Variants in NOA1 observed in about 807,000 individuals in gnomAD.
NOA1 encodes the protein nitric oxide associated 1, also known as nitric oxide-associated protein 1.
In NOA1, 35 loss-of-function variants were observed where a neutral mutation model predicts 58.4. That is an observed-to-expected ratio of 0.60 (90% CI 0.46 to 0.79). NOA1 has a LOEUF of 0.79. NOA1 is among the 30% of genes least tolerant of loss of function. NOA1 has a pLI of 0.00. For missense variants in NOA1, 895 were observed against 894.6 expected (o/e 1.00, Z -0.01); for synonymous variants, 397 against 373.4 (o/e 1.06, Z -0.73).
intron 3 of NOA1, among the ~76,000 whole-genome samples, chr4:56,972,368 G>A (rs1305740320): frequency 1.3e-5 from 2 of 152,182 alleles, no homozygotes; most frequent in Non-Finnish European, 2.9e-5. Flanking sequence ...AATGCTCAAC[G>A]TTTGCTGGAT....
chr4:56,965,726 G>A lies in NOA1; in HGVS notation c.1764+894C>T, dbSNP rs149754432. Among the ~76,000 whole-genome samples, 3,808 of 145,156 alleles carry A rather than the reference G, an allele frequency of 0.026. 271 individuals are homozygous for A. In the East Asian group the frequency reaches 0.26, roughly 10 times the overall value. ...TGTGTGTGTGTGTGTGTGTGTGTGT[G>A]TATTGGTGATGAGGCTGTCAGGAGT... On this transcript the variant is annotated intron_variant, in intron 5 of 6. Transcript: ENST00000264230.
At chr4:56,967,304 CAGG>C (rs1721731051) in intron 4 of NOA1, among the ~76,000 whole-genome samples, 1 of 150,768 alleles carries the variant, frequency 6.6e-6, no homozygotes, top group Non-Finnish European at 1.5e-5. Context: ...CATTGGAGCC[CAGG>C]AGGTTGAGGC....
intron 2 of NOA1, among the ~76,000 whole-genome samples, chr4:56,973,564 C>T (rs978396117): frequency 3.3e-5 from 5 of 150,990 alleles, no homozygotes; most frequent in African/African-American, 4.9e-5. Context: ...CATGGAGTGG[C>T]GGGGGCAAGG....
chr4:56,963,955 G>A (rs1241868882), intron 6 of NOA1, among the ~76,000 whole-genome samples: 5 of 151,924 alleles, frequency 3.3e-5, no homozygotes, highest in Non-Finnish European at 7.4e-5. Context: ...TTTATTTTCA[G>A]AATAGGTTGT....
chr4:56,976,196 A>C (rs756940539), intron 1 of NOA1, among the ~76,000 whole-genome samples: 12 of 152,236 alleles, frequency 7.9e-5, no homozygotes, highest in Non-Finnish European at 1.5e-4. Context: ...TCCAGTGCTT[A>C]GTGACTGGGA....
intron 3 of NOA1, among the ~76,000 whole-genome samples, chr4:56,969,435 G>A (rs1444263828): frequency 6.6e-6 from 1 of 152,082 alleles, no homozygotes; most frequent in African/African-American, 2.4e-5. Flanking sequence ...AGCCGGGCGT[G>A]GTGGCGTGCA....
chr4:56,974,076 A>G (rs1721855614), intron 1 of NOA1, 54 bp from the exon 2 acceptor site: 25 of 1,165,820 alleles, frequency 2.1e-5, no homozygotes, highest in Middle Eastern at 5.3e-4. Flanking sequence ...GGGGAAGAAA[A>G]TGAACATTTT....
chr4:56,965,835 C>CTTTTTTTT (rs10638725), intron 5 of NOA1, among the ~76,000 whole-genome samples: 21 of 115,066 alleles, frequency 1.8e-4, no homozygotes, highest in African/African-American at 5.0e-4. Flanking sequence ...TAAATTTTCC[C>CTTTTTTTT]TTTTTTTTTT....
chr4:56,969,507 G>A (rs989583943), intron 3 of NOA1, among the ~76,000 whole-genome samples: 1 of 152,192 alleles, frequency 6.6e-6, no homozygotes, highest in Non-Finnish European at 1.5e-5. Context: ...GGGAGGCGGA[G>A]GTTGTGGTGA....
rs773208177 is a variant in NOA1, at chr4:56,977,379, C to G, written c.207G>C (p.Gln69His). ...TGTACTCCGGGAACAGAAAACGCTC[C>G]TGCATGTCACCACCTTCTCCAAAGC... Reference protein sequence around the residue: ...TEGFGEGGDMQERFLFPEYIL... With the variant: ...TEGFGEGGDMHERFLFPEYIL... The change falls in exon 1 of 7, where the codon CAG becomes CAC. Residue 69 changes from glutamine (Q) to histidine (H), a missense_variant. Physicochemically the swap from Gln to His is conservative, Grantham distance 24. Coordinates refer to ENST00000264230, the MANE Select transcript of NOA1 (RefSeq NM_032313.4). 18 of 1,614,108 alleles carry G rather than the reference C, an allele frequency of 1.1e-5. No individual in the cohort carries two copies. The East Asian group carries it at 4.0e-4, about 36-fold the overall frequency.
At chr4:56,966,018 CTTT>C (rs57382498) in intron 5 of NOA1, among the ~76,000 whole-genome samples, 13 of 88,556 alleles carry the variant, frequency 1.5e-4, no homozygotes, top group African/African-American at 4.6e-4. Context: ...AGCAAATTTT[CTTT>C]TTTTTTTTTT....
intron 3 of NOA1, among the ~76,000 whole-genome samples, chr4:56,972,773 C>T (rs1325483445): frequency 9.9e-5 from 15 of 152,140 alleles, no homozygotes; most frequent in Non-Finnish European, 4.4e-5. Flanking sequence ...GTAACAATCA[C>T]AATGATAAAA....
chr4:56,969,807 G>A (rs1721783735), intron 3 of NOA1, among the ~76,000 whole-genome samples: 1 of 151,984 alleles, frequency 6.6e-6, no homozygotes, highest in Admixed American at 6.6e-5. Context: ...TTGAGACGGA[G>A]TCTTGCTCTG....
chr4:56,967,638 C>T (rs758885150), intron 4 of NOA1, among the ~76,000 whole-genome samples: 13 of 152,094 alleles, frequency 8.5e-5, no homozygotes, highest in Non-Finnish European at 1.9e-4. Context: ...TCTATAGACA[C>T]TCCAAAATCC....
In NOA1 at chr4:56,977,361, C is replaced by T. The variant is rs776395663; in HGVS notation, c.225G>A (p.Pro75=). ...GCGGCTCCGGATCCAGGATGTACTC[C>T]GGGAACAGAAAACGCTCCTGCATGT... The part of the protein sequence containing the change: ...GGDMQERFLF[P]EYILDPEPQP... Residue 75 remains proline, a synonymous_variant, in exon 1 of 7, where the codon CCG becomes CCA. Transcript: ENST00000264230. 5.6e-6 allele frequency: 9 copies of T among 1,614,084 alleles called. No homozygotes were observed. The highest frequency in any genetic ancestry group is 6.8e-6 in the Non-Finnish European group (8 of 1,180,040).
In NOA1 at chr4:56,977,222, G is replaced by A. The variant is rs751688807; in HGVS notation, c.364C>T (p.Arg122Trp). ...GGGTGCCCCACGACCGGGTGCTCCC[G>A]GGACCTGGCCCGTAGGTTTTGCTGT... ...RRQQNLRARS[R>W]EHPVVGHPDP... Residue 122 changes from arginine to tryptophan, a missense_variant, in exon 1 of 7, where the codon CGG becomes TGG. Arg to Trp is a moderately radical substitution (Grantham distance 101, BLOSUM62 -3). This residue lies in a region of NOA1 where 680 missense variants were observed against 656.5 expected (regional missense o/e 1.04). Coordinates refer to ENST00000264230, the MANE Select transcript of NOA1 (RefSeq NM_032313.4). 7.0e-6 allele frequency: 11 copies of A among 1,582,346 alleles called. No homozygotes were observed. The highest frequency in any genetic ancestry group is 2.3e-5 in the South Asian group (2 of 88,530).
Position 56,964,489 on chromosome 4 carries a change from G to A in NOA1, c.1802C>T (p.Pro601Leu), listed in dbSNP as rs138345362. 4,644 of 1,613,924 alleles carry A rather than the reference G, an allele frequency of 2.9e-3. 13 individuals are homozygous for A. Among genetic ancestry groups the A allele is most frequent in the Non-Finnish European group, 3.3e-3 (3,898 of 1,179,950 alleles). ...CATAATGTCTTCAGCAACAAGAGGA[G>A]GAAATCCTGCCATTCGTTCTTTTCC... Reference protein sequence around the residue: ...MGGKERMAGFPPLVAEDIMLK... With the variant: ...MGGKERMAGFLPLVAEDIMLK... The change falls in exon 6 of 7, where the codon CCT (proline) becomes CTT (leucine). Residue 601 changes from proline to leucine, a missense_variant. Pro to Leu is a moderately conservative substitution (Grantham distance 98). This residue lies in a region of NOA1 where 212 missense variants were observed against 221.3 expected (regional missense o/e 0.96). Transcript: ENST00000264230.
At position 56,977,235 on chromosome 4, in the gene NOA1, T is replaced by C. The variant is rs941835180; in HGVS notation, c.351A>G (p.Leu117=). 11 of 1,593,990 alleles carry C rather than the reference T, an allele frequency of 6.9e-6. No homozygotes were observed. The highest frequency in any genetic ancestry group is 9.4e-6 in the Non-Finnish European group (11 of 1,171,706). Residue 117 remains leucine, a synonymous_variant, in exon 1 of 7, where the codon CTA becomes CTG. Transcript: ENST00000264230. Reference sequence around the variant, plus strand: ...CCGGGTGCTCCCGGGACCTGGCCCGTAGGTTTTGCTGTCGCCGCTCCTCCC... The same window carrying C: ...CCGGGTGCTCCCGGGACCTGGCCCGCAGGTTTTGCTGTCGCCGCTCCTCCC... ...QRREERRQQN[L]RARSREHPVV...
intron 1 of NOA1, among the ~76,000 whole-genome samples, chr4:56,975,011 T>G (rs1721876627): frequency 6.9e-6 from 1 of 145,216 alleles, no homozygotes; most frequent in Non-Finnish European, 1.5e-5. Flanking sequence ...CCACAGAAGT[T>G]TCTTAAAGTC....
Sources: gnomAD v4.1 joint callset for allele counts (sites outside exome capture counted in the v4.1 genomes callset) on GRCh38, gnomAD v4.1.1 for gene constraint, gnomAD v4.1.1 regional missense constraint, MANE v1.5 for transcripts, NCBI Gene and HGNC (gene_info 2026-07-23, HGNC 2026-07-21) for gene names.